The following CADPS2 variants were observed in gnomAD, a reference collection of about 807,000 sequenced individuals.
The protein encoded by CADPS2 is calcium dependent secretion activator 2.
A neutral mutation model predicts 172.5 loss-of-function variants in CADPS2; 93 were observed. The observed-to-expected ratio is 0.54, with a 90% CI of 0.46 to 0.64. The LOEUF (loss-of-function observed/expected upper bound fraction) is 0.64, where lower values mean the gene tolerates loss of function less well. Among genes scored for constraint, CADPS2 ranks in the 30% least tolerant of loss-of-function variants. The pLI is 0.00. For missense variants in CADPS2, 1,420 were observed against 1,565.9 expected, an observed-to-expected ratio of 0.91 and a Z score of 1.57; for synonymous variants, 546 against 555.2, an observed-to-expected ratio of 0.98 and a Z score of 0.23.
At chr7:122,457,349 T>A (rs141115140) in intron 14 of CADPS2, among the ~76,000 whole-genome samples, 1 of 152,182 alleles carries the variant, frequency 6.6e-6, no homozygotes, top group Non-Finnish European at 1.5e-5. Flanking sequence ...TTTTCCAGTA[T>A]AATAAAAAAT....
At chr7:122,686,286 T>A (rs1216018858) in intron 2 of CADPS2, among the ~76,000 whole-genome samples, 1 of 152,236 alleles carries the variant, frequency 6.6e-6, no homozygotes, top group Non-Finnish European at 1.5e-5. Context: ...GGAAAGGATT[T>A]CTTTGCACAG....
At chr7:122,558,092 A>G (rs1403425358) in intron 7 of CADPS2, among the ~76,000 whole-genome samples, 2 of 152,218 alleles carry the variant, frequency 1.3e-5, no homozygotes, top group Non-Finnish European at 1.5e-5. Flanking sequence ...ATTATTTTGA[A>G]TTATTGAAAT....
intron 2 of CADPS2, among the ~76,000 whole-genome samples, chr7:122,730,835 C>T (rs530635276): frequency 6.1e-4 from 93 of 151,652 alleles, no homozygotes; most frequent in African/African-American, 2.2e-3. Context: ...TAAACATATA[C>T]TACTTCTATT....
intron 1 of CADPS2, among the ~76,000 whole-genome samples, chr7:122,767,130 C>T (rs1383745435): frequency 6.6e-6 from 1 of 152,064 alleles, no homozygotes; most frequent in Non-Finnish European, 1.5e-5. Flanking sequence ...GCAGATGTTT[C>T]TAGAAATTTT....
intron 1 of CADPS2, among the ~76,000 whole-genome samples, chr7:122,743,952 G>A (rs2092610331): frequency 6.6e-6 from 1 of 152,162 alleles, no homozygotes; most frequent in South Asian, 2.1e-4. Flanking sequence ...TATTATCAGT[G>A]TCGTATTCAA....
intron 9 of CADPS2, among the ~76,000 whole-genome samples, chr7:122,503,247 G>A (rs923653880): frequency 6.6e-6 from 1 of 152,010 alleles, no homozygotes; most frequent in African/African-American, 2.4e-5. Context: ...TGCTGGCCAG[G>A]CTGGTCTTGA....
At chr7:122,506,742 AAC>A (rs1041503088) in intron 9 of CADPS2, among the ~76,000 whole-genome samples, 6 of 151,556 alleles carry the variant, frequency 4.0e-5, no homozygotes, top group African/African-American at 1.2e-4. Context: ...AAAAAAAAAA[AAC>A]AAACAAACTA....
intron 8 of CADPS2, among the ~76,000 whole-genome samples, chr7:122,546,898 A>AT (rs1264904616): frequency 6.6e-6 from 1 of 152,078 alleles, no homozygotes; most frequent in East Asian, 1.9e-4. Context: ...TTCATGAATT[A>AT]TTTTTGAGCC....
chr7:122,353,015 C>T (rs529631957), intron 27 of CADPS2, among the ~76,000 whole-genome samples: 1 of 152,244 alleles, frequency 6.6e-6, no homozygotes, highest in South Asian at 2.1e-4. Context: ...CAGTGCTTTA[C>T]AATTCAAAGC....
chr7:122,613,400 T>C (rs982281644), intron 6 of CADPS2, among the ~76,000 whole-genome samples: 1 of 151,954 alleles, frequency 6.6e-6, no homozygotes, highest in East Asian at 1.9e-4. Flanking sequence ...GGCAAGAAAA[T>C]TGTAATGGTG....
chr7:122,455,457 T>G (rs73216200), intron 14 of CADPS2, among the ~76,000 whole-genome samples: 5,167 of 151,896 alleles, frequency 0.034, 124 homozygotes, highest in Non-Finnish European at 0.055. Context: ...ACTGTACATA[T>G]GGCTGCCATC....
At chr7:122,570,138 C>T (rs9690335) in intron 7 of CADPS2, among the ~76,000 whole-genome samples, 29,081 of 147,024 alleles carry the variant, frequency 0.2, 3,863 homozygotes, top group Non-Finnish European at 0.29. Context: ...ACTCATCTGA[C>T]GAAGGGCTAA....
chr7:122,591,176 T>G (rs2070740831), intron 6 of CADPS2, among the ~76,000 whole-genome samples: 1 of 152,024 alleles, frequency 6.6e-6, no homozygotes, highest in African/African-American at 2.4e-5. Context: ...ATCACAAGCA[T>G]TCCTATACAC....
intron 1 of CADPS2, among the ~76,000 whole-genome samples, chr7:122,772,180 CTA>C (rs2093725729): frequency 6.6e-6 from 1 of 151,918 alleles, no homozygotes; most frequent in Admixed American, 6.6e-5. Context: ...TTTGAGTAGC[CTA>C]TAAAAACATC....
intron 15 of CADPS2, 103 bp from the exon 16 acceptor site, chr7:122,441,678 C>T: frequency 1.5e-6 from 1 of 672,580 alleles, no homozygotes; most frequent in Non-Finnish European, 2.4e-6. Flanking sequence ...AACCATGAAA[C>T]AAACAGAAAA....
chr7:122,593,806 C>T (rs1005925688), intron 6 of CADPS2, among the ~76,000 whole-genome samples: 4 of 151,274 alleles, frequency 2.6e-5, no homozygotes, highest in African/African-American at 9.7e-5. Flanking sequence ...GAAAAAGAAG[C>T]CATGTGAGAA....
chr7:122,365,359 C>T (rs1195686488), intron 25 of CADPS2, among the ~76,000 whole-genome samples: 1 of 152,192 alleles, frequency 6.6e-6, no homozygotes, highest in Non-Finnish European at 1.5e-5. Context: ...CTGAGGTGTA[C>T]AGTTCCTACA....
intron 11 of CADPS2, among the ~76,000 whole-genome samples, chr7:122,486,034 T>A (rs1014506213): frequency 3.9e-5 from 6 of 152,086 alleles, no homozygotes; most frequent in African/African-American, 1.4e-4. Flanking sequence ...AACAAAAGAA[T>A]CTGTTGGAAG....
chr7:122,581,716 G>C (rs575289930), intron 6 of CADPS2, among the ~76,000 whole-genome samples: 2 of 152,202 alleles, frequency 1.3e-5, no homozygotes, highest in Admixed American at 6.5e-5. Context: ...TACCCCACCT[G>C]AGAGGTCTTT....
Sources: gnomAD v4.1 joint callset for allele counts (sites outside exome capture counted in the v4.1 genomes callset) on GRCh38, gnomAD v4.1.1 for gene constraint, MANE v1.5 for transcripts, NCBI Gene and HGNC (gene_info 2026-07-23, HGNC 2026-07-21) for gene names.